The following SPAG16 variants were observed in gnomAD, a reference collection of about 807,000 sequenced individuals.
SPAG16 encodes the protein sperm-associated antigen 16 protein.
In SPAG16, 86 loss-of-function variants were observed where a neutral mutation model predicts 80.4. The ratio of observed to expected loss-of-function variants is 1.07; its 90% CI spans 0.90 to 1.28. The LOEUF (loss-of-function observed/expected upper bound fraction) is 1.28. Ranked by LOEUF, SPAG16 falls within the 50% of genes most tolerant of loss-of-function variation. SPAG16 has a pLI of 0.00. For missense variants in SPAG16, 870 were observed against 765.3 expected, an observed-to-expected ratio of 1.14 and a Z score of -1.61; for synonymous variants, 294 against 265.9, an observed-to-expected ratio of 1.11 and a Z score of -1.03.
intron 13 of SPAG16, among the ~76,000 whole-genome samples, chr2:214,048,037 T>A (rs2049434225): frequency 6.6e-6 from 1 of 152,108 alleles, no homozygotes; most frequent in Non-Finnish European, 1.5e-5. Flanking sequence ...AGTCAGGTAA[T>A]AACAAACACT....
At chr2:214,037,876 TG>T (rs2048790161) in intron 13 of SPAG16, among the ~76,000 whole-genome samples, 2 of 100,478 alleles carry the variant, frequency 2.0e-5, no homozygotes, top group African/African-American at 2.9e-5. Context: ...TGTGTGTGTG[TG>T]TGTGTGTGTG....
chr2:213,408,941 C>T (rs2068810665), intron 9 of SPAG16, among the ~76,000 whole-genome samples: 1 of 151,930 alleles, frequency 6.6e-6, no homozygotes, highest in South Asian at 2.1e-4. Context: ...CAGTGTAACA[C>T]GTATTATCCT....
At chr2:213,735,183 T>C (rs1016944116) in intron 10 of SPAG16, among the ~76,000 whole-genome samples, 1 of 152,188 alleles carries the variant, frequency 6.6e-6, no homozygotes, top group Non-Finnish European at 1.5e-5. Context: ...TGGTTATCTT[T>C]TATAAATCAC....
At chr2:213,889,616 A>AAT (rs886307697) in intron 11 of SPAG16, among the ~76,000 whole-genome samples, 1 of 149,036 alleles carries the variant, frequency 6.7e-6, no homozygotes, top group Non-Finnish European at 1.5e-5. Flanking sequence ...ACACACACAA[A>AAT]ATATATATAT....
chr2:213,816,838 T>A (rs1012848884), intron 10 of SPAG16, among the ~76,000 whole-genome samples: 7 of 151,994 alleles, frequency 4.6e-5, no homozygotes, highest in African/African-American at 1.7e-4. Context: ...GAACTTACAG[T>A]GAATGTAGTT....
At chr2:214,147,830 A>G (rs2055737086) in intron 14 of SPAG16, among the ~76,000 whole-genome samples, 1 of 152,166 alleles carries the variant, frequency 6.6e-6, no homozygotes, top group Non-Finnish European at 1.5e-5. Context: ...TCATTGCATT[A>G]CTGGTGTGTT....
intron 10 of SPAG16, among the ~76,000 whole-genome samples, chr2:213,524,362 C>A (rs1368706001): frequency 1.3e-5 from 2 of 152,194 alleles, no homozygotes; most frequent in African/African-American, 4.8e-5. Context: ...TCATGTAGAA[C>A]CTCTGCCAGA....
At chr2:214,176,947 CT>C (rs144667572) in intron 15 of SPAG16, among the ~76,000 whole-genome samples, 2 of 150,858 alleles carry the variant, frequency 1.3e-5, no homozygotes, top group East Asian at 1.9e-4. Flanking sequence ...TTATGCTAAG[CT>C]TTTTTTAAAA....
chr2:213,785,535 C>T (rs1451518841), intron 10 of SPAG16, among the ~76,000 whole-genome samples: 1 of 152,234 alleles, frequency 6.6e-6, no homozygotes, highest in East Asian at 1.9e-4. Flanking sequence ...ATTGGTCAAA[C>T]TTTTACTCTA....
At chr2:213,651,843 T>C (rs1196835814) in intron 10 of SPAG16, among the ~76,000 whole-genome samples, 2 of 152,216 alleles carry the variant, frequency 1.3e-5, no homozygotes, top group East Asian at 1.9e-4. Context: ...TTGACTTTCA[T>C]TGAGATCTAT....
chr2:214,317,600 C>CA (rs1695779804), intron 15 of SPAG16, among the ~76,000 whole-genome samples: 1 of 152,170 alleles, frequency 6.6e-6, no homozygotes, highest in Non-Finnish European at 1.5e-5. Context: ...TATTAGTTCA[C>CA]AAAACAATAG....
intron 10 of SPAG16, among the ~76,000 whole-genome samples, chr2:213,599,627 C>A (rs768497705): frequency 6.6e-6 from 1 of 152,116 alleles, no homozygotes; most frequent in African/African-American, 2.4e-5. Context: ...TATGTGTTAA[C>A]CGACTTGTTG....
rs1271070377 is a variant in SPAG16, at chr2:214,063,777, C to G, written c.1528-44419C>G. 2.6e-5 allele frequency among the ~76,000 whole-genome samples: 4 copies of G among 152,078 alleles called. No homozygotes were observed. In the South Asian group the frequency reaches 8.3e-4, roughly 32 times the overall value. On this transcript the variant is annotated intron_variant, in intron 13 of 15. Coordinates refer to ENST00000331683, the MANE Select transcript of SPAG16 (RefSeq NM_024532.5). Reference sequence around the variant, plus strand: ...TTCAAATGTCACCATTTCCATGAGGCCATGCCAGATTACTTTATTTAATGT... The same window carrying G: ...TTCAAATGTCACCATTTCCATGAGGGCATGCCAGATTACTTTATTTAATGT...
intron 15 of SPAG16, among the ~76,000 whole-genome samples, chr2:214,309,551 AC>A (rs1037498603): frequency 6.6e-6 from 1 of 150,634 alleles, no homozygotes; most frequent in African/African-American, 2.4e-5. Flanking sequence ...GAGGTTGCTG[AC>A]CTTTGGATAG....
Position 214,190,891 on chromosome 2 carries a change from G to C in SPAG16, c.1720+41625G>C, listed in dbSNP as rs577511077. ...AACTGTTGTTGTTTATCAGCTAATT[G>C]GCGTATGGTACTTTGTTACAGCAGC... On this transcript the variant is annotated intron_variant, in intron 15 of 15. Transcript: ENST00000331683. Among the ~76,000 whole-genome samples the C allele has an allele frequency of 4.6e-5, 7 of 152,254 alleles. No individual in the cohort carries two copies. In the East Asian group the frequency reaches 1.4e-3, roughly 29 times the overall value.
chr2:213,982,705 A>G (rs1409576461), intron 12 of SPAG16, among the ~76,000 whole-genome samples: 3 of 144,888 alleles, frequency 2.1e-5, no homozygotes, highest in Non-Finnish European at 4.5e-5. Context: ...ATTATAAACT[A>G]ACAAAGCAAC....
At chr2:214,234,039 C>T (rs888019124) in intron 15 of SPAG16, among the ~76,000 whole-genome samples, 4 of 151,212 alleles carry the variant, frequency 2.6e-5, no homozygotes, top group African/African-American at 9.7e-5. Flanking sequence ...CTCCTCCCAC[C>T]TGCCACCTTT....
At chr2:214,175,396 C>G (rs949909754) in intron 15 of SPAG16, among the ~76,000 whole-genome samples, 3 of 150,066 alleles carry the variant, frequency 2.0e-5, no homozygotes, top group African/African-American at 7.3e-5. Flanking sequence ...TGAATGTGGT[C>G]TTCTGAGTAC....
At chr2:214,194,247 C>G (rs1383395232) in intron 15 of SPAG16, among the ~76,000 whole-genome samples, 2 of 151,856 alleles carry the variant, frequency 1.3e-5, no homozygotes, top group Non-Finnish European at 2.9e-5. Context: ...CAAAATATGC[C>G]CTGGATCTCC....
Sources: allele counts gnomAD v4.1 joint callset (sites outside exome capture counted in the v4.1 genomes callset), GRCh38; gene constraint gnomAD v4.1.1; transcripts MANE v1.5; gene names NCBI Gene and HGNC (gene_info 2026-07-23, HGNC 2026-07-21).